The following MAPK8 variants were observed in gnomAD, a reference collection of about 807,000 sequenced individuals.
MAPK8 encodes the protein JUN N-terminal kinase.
Under a neutral mutation model 52.9 loss-of-function variants are expected in MAPK8, and 13 were observed. The ratio of observed to expected loss-of-function variants is 0.25; its 90% CI spans 0.16 to 0.39. MAPK8 has a LOEUF of 0.39. MAPK8 is among the 10% of genes least tolerant of loss of function. The pLI is 1.00. For missense variants in MAPK8, 300 were observed against 519.2 expected, an observed-to-expected ratio of 0.58 and a Z score of 4.10; for synonymous variants, 191 against 169.8, an observed-to-expected ratio of 1.12 and a Z score of -0.97.
At chr10:48,412,224 A>G (rs9888128) in intron 5 of MAPK8, among the ~76,000 whole-genome samples, 69,927 of 152,036 alleles carry the variant, frequency 0.46, 16,295 homozygotes, top group South Asian at 0.57. Context: ...TGTTAAGCTC[A>G]TTGAGGATCT....
At position 48,349,941 on chromosome 10, in the gene MAPK8, A is replaced by G. The variant is rs536649843; in HGVS notation, c.-50+43120A>G. Among the ~76,000 whole-genome samples the G allele has an allele frequency of 2.0e-5, 3 of 152,356 alleles. No homozygotes were observed. The South Asian group carries it at 6.2e-4, about 32-fold the overall frequency. ...AAAAAATGATAAAGGTGATATCACCACTGATCCCACAGAAATACAAACTAC... is the reference window on the plus strand; with the variant it reads ...AAAAAATGATAAAGGTGATATCACCGCTGATCCCACAGAAATACAAACTAC... On this transcript the variant is annotated intron_variant, in intron 1 of 11. Coordinates refer to ENST00000374189, the MANE Select transcript of MAPK8 (RefSeq NM_001323329.2).
At chr10:48,404,264 C>A (rs1006689456) in intron 2 of MAPK8, among the ~76,000 whole-genome samples, 1 of 151,488 alleles carries the variant, frequency 6.6e-6, no homozygotes. Context: ...TCAAGTGATT[C>A]CCTTGCCTTA....
At chr10:48,373,443 G>A (rs1416868866) in intron 1 of MAPK8, among the ~76,000 whole-genome samples, 1 of 151,658 alleles carries the variant, frequency 6.6e-6, no homozygotes, top group Non-Finnish European at 1.5e-5. Flanking sequence ...CAGACTCACA[G>A]ACTGGCAAAT....
chr10:48,355,817 T>G (rs1269511190), intron 1 of MAPK8, among the ~76,000 whole-genome samples: 2 of 152,188 alleles, frequency 1.3e-5, no homozygotes, highest in African/African-American at 4.8e-5. Flanking sequence ...CACTTAGCCT[T>G]GTTACAATAA....
At chr10:48,324,516 T>TG (rs1237449762) in intron 1 of MAPK8, among the ~76,000 whole-genome samples, 1 of 150,202 alleles carries the variant, frequency 6.7e-6, no homozygotes, top group African/African-American at 2.5e-5. Flanking sequence ...TTTTTTTTTT[T>TG]TTTTACACTC....
chr10:48,324,502 A>ATTTTTTTTTTTTTTTT (rs1554810394), intron 1 of MAPK8, among the ~76,000 whole-genome samples: 7 of 54,330 alleles, frequency 1.3e-4, no homozygotes, highest in East Asian at 3.6e-4. Context: ...CCTGTTTTCT[A>ATTTTTTTTTTTTTTTT]GTTTTTTTTT....
intron 8 of MAPK8, 35 bp downstream of exon 8, chr10:48,426,105 T>G: frequency 2.6e-6 from 4 of 1,563,272 alleles, no homozygotes; most frequent in Non-Finnish European, 3.5e-6. Flanking sequence ...TAATCCCATT[T>G]GGGGTGTGTA....
At chr10:48,311,576 G>A (rs1252923070) in intron 1 of MAPK8, among the ~76,000 whole-genome samples, 1 of 152,168 alleles carries the variant, frequency 6.6e-6, no homozygotes, top group Non-Finnish European at 1.5e-5. Flanking sequence ...TTTATCATGT[G>A]ACACATTTGA....
chr10:48,342,892 G>C lies in MAPK8; in HGVS notation c.-50+36071G>C, dbSNP rs73294804. 3.0e-3 allele frequency among the ~76,000 whole-genome samples: 457 copies of C among 152,274 alleles called. 4 individuals are homozygous for C. The highest frequency in any genetic ancestry group is 0.011 in the African/African-American group (445 of 41,538). On this transcript the variant is annotated intron_variant, in intron 1 of 11. Coordinates refer to ENST00000374189, the MANE Select transcript of MAPK8 (RefSeq NM_001323329.2). ...TCACACTTGGGTTTTATTATATTGAGGTAGTAATTGCTGTGGGTGTGAATG... is the reference window on the plus strand; with the variant it reads ...TCACACTTGGGTTTTATTATATTGACGTAGTAATTGCTGTGGGTGTGAATG...
chr10:48,426,157 C>A, intron 8 of MAPK8, 87 bp downstream of exon 8: 1 of 1,215,568 alleles, frequency 8.2e-7, no homozygotes, highest in Non-Finnish European at 1.1e-6. Context: ...TATTCATATT[C>A]TTATGGGACA....
chr10:48,345,962 T>C (rs1845732279), intron 1 of MAPK8, among the ~76,000 whole-genome samples: 1 of 152,172 alleles, frequency 6.6e-6, no homozygotes, highest in South Asian at 2.1e-4. Context: ...ACCTAGACTT[T>C]CACAGTGTTT....
chr10:48,331,235 A>G (rs1844114352), intron 1 of MAPK8, among the ~76,000 whole-genome samples: 1 of 152,152 alleles, frequency 6.6e-6, no homozygotes, highest in African/African-American at 2.4e-5. Flanking sequence ...TGATTTTCCA[A>G]ATTCCCACAA....
intron 1 of MAPK8, among the ~76,000 whole-genome samples, chr10:48,370,746 T>C (rs1353604727): frequency 3.3e-5 from 5 of 152,116 alleles, no homozygotes; most frequent in Non-Finnish European, 7.4e-5. Context: ...AAGTTAGTTT[T>C]AGAGGGAAGA....
At chr10:48,368,598 G>A (rs928325589) in intron 1 of MAPK8, among the ~76,000 whole-genome samples, 1 of 152,192 alleles carries the variant, frequency 6.6e-6, no homozygotes, top group African/African-American at 2.4e-5. Context: ...CCCTAATGAA[G>A]CCTTGGATTT....
intron 1 of MAPK8, among the ~76,000 whole-genome samples, chr10:48,313,253 T>G (rs370062128): frequency 1.3e-5 from 2 of 152,128 alleles, no homozygotes; most frequent in African/African-American, 4.8e-5. Flanking sequence ...GCCAACATAG[T>G]GATACCCCGT....
chr10:48,379,163 C>CT (rs2040842154), intron 1 of MAPK8, among the ~76,000 whole-genome samples: 1 of 152,184 alleles, frequency 6.6e-6, no homozygotes, highest in Non-Finnish European at 1.5e-5. Context: ...GCCTGTAATA[C>CT]TTTCACAGTT....
intron 3 of MAPK8, among the ~76,000 whole-genome samples, chr10:48,408,145 C>T (rs945877146): frequency 2.6e-5 from 4 of 152,130 alleles, no homozygotes; most frequent in Non-Finnish European, 5.9e-5. Flanking sequence ...AATTCCCATC[C>T]CCAAGTATCA....
At chr10:48,340,518 A>G (rs554442243) in intron 1 of MAPK8, among the ~76,000 whole-genome samples, 19 of 151,826 alleles carry the variant, frequency 1.3e-4, no homozygotes, top group African/African-American at 4.6e-4. Flanking sequence ...AAACCTGCGT[A>G]TGTGCCCCCT....
rs1004646901 is a variant in MAPK8, at chr10:48,438,833, T to G, written c.*3804T>G. On this transcript the variant is annotated 3_prime_UTR_variant, in exon 12 of 12. Transcript: ENST00000374189. ...CTTGCAAAATTGTGCTCGTTGACAT[T>G]ATTACTGTTTTTGTAAGTAGAAACC... 3 of 152,222 alleles carry G rather than the reference T, an allele frequency of 2.0e-5. No homozygotes were observed. The highest frequency in any genetic ancestry group is 2.9e-5 in the Non-Finnish European group (2 of 68,040). The allele number at this position is 152,222 out of a possible 1,614,324, so 9.4% of individuals were successfully genotyped here.
Sources: gnomAD v4.1 joint callset for allele counts (sites outside exome capture counted in the v4.1 genomes callset) on GRCh38, gnomAD v4.1.1 for gene constraint, MANE v1.5 for transcripts, NCBI Gene and HGNC (gene_info 2026-07-23, HGNC 2026-07-21) for gene names.